Variants in GSDME observed in about 807,000 individuals in gnomAD.
The protein encoded by GSDME is gasdermin-E.
In GSDME, 44 loss-of-function variants were observed where a neutral mutation model predicts 47.5. The ratio of observed to expected loss-of-function variants is 0.93; its 90% CI spans 0.73 to 1.19. The LOEUF (loss-of-function observed/expected upper bound fraction) is 1.19, where lower values mean the gene tolerates loss of function less well. Among genes scored for constraint, GSDME ranks in the 50% most tolerant of loss-of-function variants. The pLI, the probability that GSDME is intolerant of heterozygous loss-of-function variation, is 0.00. For synonymous variants in GSDME, 258 were observed against 252.8 expected, an observed-to-expected ratio of 1.02 and a Z score of -0.20; for missense variants, 663 against 604.2, an observed-to-expected ratio of 1.10 and a Z score of -1.02.
At chr7:24,703,834 T>C (rs919499173) in intron 8 of GSDME, 3 of 152,184 alleles carry the variant, frequency 2.0e-5, no homozygotes, top group African/African-American at 4.8e-5. Context: ...GTTTCTCAAG[T>C]AGTCTCTTAC....
rs527815433 is a variant in GSDME, at chr7:24,718,257, T to C, written c.576+790A>G. On this transcript the variant is annotated intron_variant, in intron 4 of 9. Coordinates refer to ENST00000645220, the MANE Select transcript of GSDME (RefSeq NM_001127453.2). ...CCAAATACAACTTTCTGAGTTCCTC[T>C]AGAAAAAGCCAAAAGTCATCCCAAG... is the stretch of plus-strand genomic sequence containing the variant. 2.0e-5 allele frequency among the ~76,000 whole-genome samples: 3 copies of C among 152,316 alleles called. No homozygotes were observed. The South Asian group carries it at 6.2e-4, about 32-fold the overall frequency.
chr7:24,780,245 C>T, the GSDME span, among the ~76,000 whole-genome samples: 1 of 152,190 alleles, frequency 6.6e-6, no homozygotes, highest in African/African-American at 2.4e-5. This position sits in a 1 kb window ranked among gnomAD's most constrained non-coding sequence, Gnocchi z 4.1. Flanking sequence ...AATTTTGCCA[C>T]CTGATATATT....
intron 8 of GSDME, 150 bp from the exon 9 acceptor site, chr7:24,702,983 T>C (rs1338810893): frequency 1.6e-6 from 1 of 633,964 alleles, no homozygotes; most frequent in Non-Finnish European, 2.9e-6. Flanking sequence ...AGTGAATGAA[T>C]GGTGCTAAAT....
chr7:24,755,416 C>CA (rs1790983501), intron 1 of GSDME, among the ~76,000 whole-genome samples: 1 of 152,196 alleles, frequency 6.6e-6, no homozygotes, highest in Non-Finnish European at 1.5e-5. Flanking sequence ...CGAGGATACT[C>CA]AATCACAGAA....
upstream of GSDME, chr7:24,757,685 C>T (rs985422154): frequency 1.3e-5 from 2 of 152,426 alleles, no homozygotes; most frequent in African/African-American, 4.8e-5. The surrounding 1 kb of genome is among the most constrained non-coding windows in gnomAD (Gnocchi z 5.9). Flanking sequence ...GCCGGAGTCC[C>T]CGCGCGCTTT....
intron 3 of GSDME, among the ~76,000 whole-genome samples, chr7:24,741,697 A>G (rs961335595): frequency 6.6e-6 from 1 of 152,226 alleles, no homozygotes; most frequent in Non-Finnish European, 1.5e-5. Context: ...TACAGTCCTT[A>G]AGCATCACGA....
rs1336502942 is a variant in GSDME, at chr7:24,749,782, G to C, written c.-8C>G. On this transcript the variant is annotated 5_prime_UTR_variant, in exon 2 of 10. Coordinates refer to ENST00000645220, the MANE Select transcript of GSDME (RefSeq NM_001127453.2). ...GGTTGCTTTGGCAAACATTTTGAAA[G>C]CTCCAGATTATCTGAAAAAGTAAAG... The C allele has an allele frequency of 3.1e-6, 5 of 1,608,652 alleles. No individual in the cohort carries two copies. The highest frequency in any genetic ancestry group is 4.3e-6 in the Non-Finnish European group (5 of 1,175,764).
chr7:24,793,062 A>G, the GSDME span, among the ~76,000 whole-genome samples: 2 of 152,216 alleles, frequency 1.3e-5, no homozygotes. Flanking sequence ...TAGACCAAAG[A>G]AAGCCAAACA....
the GSDME span, among the ~76,000 whole-genome samples, chr7:24,779,709 C>A: frequency 1.3e-5 from 2 of 152,208 alleles, no homozygotes; most frequent in East Asian, 3.9e-4. The surrounding 1 kb of genome is among the most constrained non-coding windows in gnomAD (Gnocchi z 6.0). Flanking sequence ...TGCCAGCAGC[C>A]TGGGCTCTTT....
chr7:24,745,397 TCAAA>T lies in GSDME; in HGVS notation c.212-647_212-644del, dbSNP rs1385064465. Among the ~76,000 whole-genome samples, 1 of 152,090 alleles carries T rather than the reference TCAAA, an allele frequency of 6.6e-6. No homozygotes were observed. The highest frequency in any genetic ancestry group is 1.5e-5 in the Non-Finnish European group (1 of 68,006). On this transcript the variant is annotated intron_variant, in intron 2 of 9. Transcript: ENST00000645220. The surrounding 1 kb of genome is among the most constrained non-coding windows in gnomAD (Gnocchi z 4.4). Reference sequence around the variant, plus strand: ...CCCTGGCCCTTATTACCATCTCCAGTCAAATTATTCCCTTCCCATATTTATGATT... The same window carrying T: ...CCCTGGCCCTTATTACCATCTCCAGTTTATTCCCTTCCCATATTTATGATT...
rs1447533377 is a variant in GSDME, at chr7:24,749,598, G to A, written c.177C>T (p.Gly59=). 7 of 1,613,390 alleles carry A rather than the reference G, an allele frequency of 4.3e-6. No individual in the cohort carries two copies. In the Admixed American group the frequency reaches 6.7e-5, roughly 15 times the overall value. The change falls in exon 2 of 10, where the codon GGC becomes GGT. Residue 59 remains glycine (G), a synonymous_variant. Coordinates refer to ENST00000645220, the MANE Select transcript of GSDME (RefSeq NM_001127453.2). ...GAAATTGGTCTTCTATGAGTACATC[G>A]CCAAGGGTGAGGGATAAAAACTGGT... The part of the protein sequence containing the change: ...PKYQFLSLTL[G]DVLIEDQFPS...
chr7:24,723,259 C>T (rs114320836), intron 3 of GSDME, among the ~76,000 whole-genome samples: 2,364 of 152,226 alleles, frequency 0.016, 73 homozygotes, highest in African/African-American at 0.055. Context: ...AAAGCAATCT[C>T]GGGAGGGAAT....
chr7:24,740,459 AT>A (rs151065367), intron 3 of GSDME, among the ~76,000 whole-genome samples: 15,014 of 152,100 alleles, frequency 0.099, 815 homozygotes, highest in Admixed American at 0.12. Flanking sequence ...ATAATTGTAC[AT>A]TTTTAAAATA....
chr7:24,754,208 C>T lies in GSDME; in HGVS notation c.-20+3188G>A, dbSNP rs988882201. Among the ~76,000 whole-genome samples the T allele has an allele frequency of 5.3e-5, 8 of 152,274 alleles. No individual in the cohort carries two copies. Among genetic ancestry groups the T allele is most frequent in the Admixed American group, 2.6e-4 (4 of 15,292 alleles). ...GAGCCTTAAAAGTTATATTAGCAGC[C>T]GGGCCTGGTGGCTCATGCCTGTAAT... On this transcript the variant is annotated intron_variant, in intron 1 of 9. Coordinates refer to ENST00000645220, the MANE Select transcript of GSDME (RefSeq NM_001127453.2). The surrounding 1 kb of genome is among the most constrained non-coding windows in gnomAD (Gnocchi z 5.0).
chr7:24,781,784 T>C, the GSDME span, among the ~76,000 whole-genome samples: 1 of 152,292 alleles, frequency 6.6e-6, no homozygotes, highest in East Asian at 1.9e-4. Context: ...CACTCTGTTG[T>C]CCAGGCTGAA....
chr7:24,720,644 A>G (rs950351763), intron 3 of GSDME, among the ~76,000 whole-genome samples: 7 of 152,254 alleles, frequency 4.6e-5, no homozygotes, highest in Non-Finnish European at 1.0e-4. Context: ...GGCCGGGCAC[A>G]GTGGCTTATG....
intron 6 of GSDME, among the ~76,000 whole-genome samples, chr7:24,708,802 T>C (rs1365454217): frequency 6.6e-6 from 1 of 152,250 alleles, no homozygotes; most frequent in East Asian, 1.9e-4. Context: ...TGCTTCTTCA[T>C]GAGTCCTCAA....
chr7:24,699,030 GAA>G lies in GSDME; in HGVS notation c.1485_1486del (p.Ser496MetfsTer7). On this transcript the variant is annotated frameshift_variant, in exon 10 of 10. Coordinates refer to ENST00000645220, the MANE Select transcript of GSDME (RefSeq NM_001127453.2). LOFTEE classifies it high-confidence loss of function. ...ACTTCTAGTTCACATATGACATCAT[GAA>G]TGTTCTCTGCCTAAAGCACAGAGTC... 1 of 1,608,600 alleles carries G rather than the reference GAA, an allele frequency of 6.2e-7. No individual in the cohort carries two copies. The highest frequency in any genetic ancestry group is 8.5e-7 in the Non-Finnish European group (1 of 1,175,158).
intron 6 of GSDME, among the ~76,000 whole-genome samples, chr7:24,708,615 AAAC>A (rs1401954156): frequency 1.3e-5 from 2 of 152,274 alleles, no homozygotes; most frequent in Admixed American, 6.5e-5. Context: ...CTGAATTACT[AAAC>A]AAGTCAGTGC....
Sources: allele counts gnomAD v4.1 joint callset (sites outside exome capture counted in the v4.1 genomes callset), GRCh38; gene constraint gnomAD v4.1.1; non-coding constraint Gnocchi (gnomAD v3.1); transcripts MANE v1.5; gene names NCBI Gene and HGNC (gene_info 2026-07-23, HGNC 2026-07-21).